U2AF2: variants seen among roughly 807,000 people sequenced by gnomAD.
The protein encoded by U2AF2 is splicing factor U2AF 65 kDa subunit.
Under a neutral mutation model 52.6 loss-of-function variants are expected in U2AF2, and 6 were observed. The ratio of observed to expected loss-of-function variants is 0.11; its 90% CI spans 0.06 to 0.23. U2AF2 has a LOEUF of 0.23. Ranked by LOEUF, U2AF2 falls within the 10% of genes least tolerant of loss-of-function variation. U2AF2 has a pLI of 1.00. For synonymous variants in U2AF2, 284 were observed against 258.2 expected (o/e 1.10, Z -0.96); for missense variants, 222 against 677.1 (o/e 0.33, Z 7.46).
At chr19:55,669,370 A>C (rs1312498049) in intron 10 of U2AF2, 74 bp from the exon 11 acceptor site, 1 of 1,544,880 alleles carries the variant, frequency 6.5e-7, no homozygotes, top group African/African-American at 1.4e-5. Context: ...GGGGCATGTG[A>C]GGGGCCTAGG....
At chr19:55,666,399 C>G (rs1160205315) in intron 7 of U2AF2, among the ~76,000 whole-genome samples, 2 of 152,220 alleles carry the variant, frequency 1.3e-5, no homozygotes, top group African/African-American at 4.8e-5. Context: ...GGCTTGTCCT[C>G]AGTGATGAGT....
At chr19:55,661,304 C>T (rs1287438152) in intron 5 of U2AF2, 115 bp downstream of exon 5, 2 of 1,191,826 alleles carry the variant, frequency 1.7e-6, no homozygotes, top group Non-Finnish European at 2.2e-6. Context: ...TGCAAGACCC[C>T]CCGGCCCCCT....
rs931341122 is a variant in U2AF2, at chr19:55,666,289, A to G, written c.743-2218A>G. 3.3e-5 allele frequency among the ~76,000 whole-genome samples: 5 copies of G among 152,318 alleles called. No individual in the cohort carries two copies. In the East Asian group the frequency reaches 7.7e-4, roughly 24 times the overall value. ...GGGATCCCTGCTGGGTCTTCCCCAC[A>G]CAGCCTCTGCTCCAGGTGTGATGCT... On this transcript the variant is annotated intron_variant, in intron 7 of 11. Coordinates refer to ENST00000308924, the MANE Select transcript of U2AF2 (RefSeq NM_007279.3).
rs566584528 is a variant in U2AF2 at position 55,655,733 on chromosome 19, T to C, written c.49+580T>C. Among the ~76,000 whole-genome samples, 5 of 152,384 alleles carry C rather than the reference T, an allele frequency of 3.3e-5. No individual in the cohort carries two copies. In the South Asian group the frequency reaches 1.0e-3, roughly 32 times the overall value. On this transcript the variant is annotated intron_variant, in intron 1 of 11. Coordinates refer to ENST00000308924, the MANE Select transcript of U2AF2 (RefSeq NM_007279.3). ...CCTTTTCCTTTTTGCTGATTTGCTC[T>C]GATCTCTCCCGCCAGGTGGTTTCTG...
chr19:55,673,106 A>T (rs1253832848), intron 11 of U2AF2, among the ~76,000 whole-genome samples: 1 of 151,830 alleles, frequency 6.6e-6, no homozygotes, highest in African/African-American at 2.4e-5. Flanking sequence ...TTTGGTAGAG[A>T]TGGGGTTTCG....
At position 55,659,360 on chromosome 19, in the gene U2AF2, G is replaced by C. The variant is rs1294604365; in HGVS notation, c.185+15G>C. The C allele has an allele frequency of 1.4e-6, 2 of 1,480,670 alleles. No homozygotes were observed. The highest frequency in any genetic ancestry group is 2.9e-5 in the African/African-American group (2 of 70,070). 91.7% of individuals were successfully genotyped at this position (1,480,670 alleles called of 1,614,324 possible). On this transcript the variant is annotated intron_variant, in intron 2 of 11. Coordinates refer to ENST00000308924, the MANE Select transcript of U2AF2 (RefSeq NM_007279.3). ...CGACGACGCAGGTACTAGGGCTCAG[G>C]GATCCCCTGGGCCAGCCTGGGAGTC...
At chr19:55,670,446 T>C (rs1984825424) in intron 11 of U2AF2, among the ~76,000 whole-genome samples, 2 of 133,488 alleles carry the variant, frequency 1.5e-5, no homozygotes, top group Non-Finnish European at 3.2e-5. Flanking sequence ...TGCACCCTGC[T>C]GTCCCGTGCA....
Position 55,674,334 on chromosome 19 carries a change from A to T in U2AF2, c.*266A>T. ...ACAGACACAGAGGGAAGGGGTTGGGATGGGGACAGGGTGCACAGCAGGGCG... is the reference window on the plus strand; with the variant it reads ...ACAGACACAGAGGGAAGGGGTTGGGTTGGGGACAGGGTGCACAGCAGGGCG... On this transcript the variant is annotated 3_prime_UTR_variant, in exon 12 of 12. Coordinates refer to ENST00000308924, the MANE Select transcript of U2AF2 (RefSeq NM_007279.3). The T allele has an allele frequency of 2.3e-6, 1 of 439,048 alleles. No individual in the cohort carries two copies. The highest frequency in any genetic ancestry group is 4.2e-6 in the Non-Finnish European group (1 of 240,740). The allele number at this position is 439,048 out of a possible 1,614,324, so 27.2% of individuals were successfully genotyped here.
At position 55,659,352 on chromosome 19, in the gene U2AF2, G is replaced by A. The variant is rs866219065; in HGVS notation, c.185+7G>A. The A allele has an allele frequency of 1.3e-6, 2 of 1,499,712 alleles. No individual in the cohort carries two copies. The highest frequency in any genetic ancestry group is 2.6e-5 in the East Asian group (1 of 39,152). 92.9% of individuals were successfully genotyped at this position (1,499,712 alleles called of 1,614,324 possible). ...GGGACAGGCGACGACGCAGGTACTA[G>A]GGCTCAGGGATCCCCTGGGCCAGCC... is the stretch of plus-strand genomic sequence containing the variant. On this transcript the variant is annotated splice_region_variant and intron_variant, in intron 2 of 11. Coordinates refer to ENST00000308924, the MANE Select transcript of U2AF2 (RefSeq NM_007279.3).
Position 55,672,377 on chromosome 19 carries a change from G to A in U2AF2, c.1294-1557G>A, listed in dbSNP as rs192644579. On this transcript the variant is annotated intron_variant, in intron 11 of 11. Coordinates refer to ENST00000308924, the MANE Select transcript of U2AF2 (RefSeq NM_007279.3). ...GCTGGATTATTTTAAGGCTTATCAG[G>A]TTTATTTCACCTGAGATCCTTAAGT... 4.0e-5 allele frequency among the ~76,000 whole-genome samples: 6 copies of A among 151,850 alleles called. No individual in the cohort carries two copies. In the East Asian group the frequency reaches 9.7e-4, roughly 25 times the overall value.
At chr19:55,661,245 C>T (rs962744675) in intron 5 of U2AF2, 56 bp downstream of exon 5, 51 of 1,443,596 alleles carry the variant, frequency 3.5e-5, no homozygotes, top group Non-Finnish European at 4.3e-5. Context: ...CCGTTCCTCC[C>T]CTTCCCTCCA....
At chr19:55,659,449 G>T (rs1984017583) in intron 2 of U2AF2, 104 bp downstream of exon 2, 1 of 1,312,192 alleles carries the variant, frequency 7.6e-7, no homozygotes, top group Non-Finnish European at 9.8e-7. Flanking sequence ...TCCGGGCCCT[G>T]TGTGGCTCGT....
chr19:55,659,136 A>G, intron 1 of U2AF2, 74 bp from the exon 2 acceptor site: 4 of 1,421,806 alleles, frequency 2.8e-6, no homozygotes, highest in Non-Finnish European at 3.7e-6. Context: ...GGACATAGCC[A>G]CCAGCGCGCA....
At chr19:55,661,450 A>ACC (rs1408625593) in intron 5 of U2AF2, 1 of 451,228 alleles carries the variant, frequency 2.2e-6, no homozygotes, top group Non-Finnish European at 3.9e-6. Flanking sequence ...CACATAATGT[A>ACC]CCCACGTGTT....
chr19:55,663,581 C>T (rs746776887), intron 6 of U2AF2, 25 bp from the exon 7 acceptor site: 6 of 1,610,488 alleles, frequency 3.7e-6, no homozygotes, highest in Non-Finnish European at 5.1e-6. Flanking sequence ...CCCCATCCCT[C>T]ACCACTCCTT....
intron 1 of U2AF2, among the ~76,000 whole-genome samples, chr19:55,656,045 G>A (rs1452826112): frequency 6.6e-6 from 1 of 152,214 alleles, no homozygotes; most frequent in Non-Finnish European, 1.5e-5. Context: ...CTTCACTTAC[G>A]GGGAAGGTGG....
In U2AF2 at chr19:55,673,950, C is replaced by T. The variant is rs1219525434; in HGVS notation, c.1310C>T (p.Thr437Ile). ...PGCGKIFVEF[T>I]SVFDCQKAMQ... ...TCCCCACAGATCTTTGTGGAGTTCA[C>T]CTCTGTGTTTGACTGCCAGAAAGCC... Residue 437 changes from threonine (T) to isoleucine (I), a missense_variant, in exon 12 of 12, where the codon ACC becomes ATC. By Grantham distance (89) the Thr-to-Ile change is moderately conservative. Coordinates refer to ENST00000308924, the MANE Select transcript of U2AF2 (RefSeq NM_007279.3). The T allele has an allele frequency of 1.2e-6, 2 of 1,613,420 alleles. No individual in the cohort carries two copies. The highest frequency in any genetic ancestry group is 1.7e-6 in the Non-Finnish European group (2 of 1,179,632).
At chr19:55,661,219 C>T (rs775478531) in intron 5 of U2AF2, 30 bp downstream of exon 5, 4 of 1,540,170 alleles carry the variant, frequency 2.6e-6, no homozygotes, top group Middle Eastern at 1.9e-4. Flanking sequence ...CCTACCCTCT[C>T]CCTTGTCCCT....
At position 55,668,819 on chromosome 19, in the gene U2AF2, C is replaced by G; in HGVS notation, c.945+27C>G. On this transcript the variant is annotated intron_variant, in intron 9 of 11. Transcript: ENST00000308924. The surrounding 1 kb of genome is among the most constrained non-coding windows in gnomAD (Gnocchi z 5.5). Reference sequence around the variant, plus strand: ...TGAGTCCCCGGTCGCTGGCCGCTGCCGCGTCTGTCCTTCCCTGCCCTGCGC... The same window carrying G: ...TGAGTCCCCGGTCGCTGGCCGCTGCGGCGTCTGTCCTTCCCTGCCCTGCGC... 1.3e-6 allele frequency: 2 copies of G among 1,599,772 alleles called. No homozygotes were observed. Among genetic ancestry groups the G allele is most frequent in the East Asian group, 2.2e-5 (1 of 44,510 alleles).
Sources: gnomAD v4.1 joint callset for allele counts (sites outside exome capture counted in the v4.1 genomes callset) on GRCh38, gnomAD v4.1.1 for gene constraint, Gnocchi (gnomAD v3.1) non-coding constraint, MANE v1.5 for transcripts, NCBI Gene and HGNC (gene_info 2026-07-23, HGNC 2026-07-21) for gene names.